KCNH2: variants seen among roughly 807,000 people sequenced by gnomAD.
The protein encoded by KCNH2 is potassium voltage-gated channel subfamily H member 2.
A neutral mutation model predicts 95.9 loss-of-function variants in KCNH2; 35 were observed. The ratio of observed to expected loss-of-function variants is 0.37; its 90% CI spans 0.28 to 0.48. KCNH2 has a LOEUF of 0.48. Among genes scored for constraint, KCNH2 ranks in the 20% least tolerant of loss-of-function variants. The pLI is 0.99. For synonymous variants in KCNH2, 786 were observed against 754.7 expected (o/e 1.04, Z -0.68); for missense variants, 1,274 against 1,702.9 (o/e 0.75, Z 4.43).
At chr7:150,953,238 C>T (rs1023448037) in intron 5 of KCNH2, among the ~76,000 whole-genome samples, 2 of 152,198 alleles carry the variant, frequency 1.3e-5, no homozygotes, top group African/African-American at 4.8e-5. Flanking sequence ...GGAAAGGGTT[C>T]CAAGGACAAC....
rs1383939352 is a variant in KCNH2, at chr7:150,946,037, C to T, written c.3331-523G>A. 1.3e-5 allele frequency among the ~76,000 whole-genome samples: 2 copies of T among 151,986 alleles called. No homozygotes were observed. The highest frequency in any genetic ancestry group is 2.1e-4 in the South Asian group (1 of 4,824). ...TCTGCTGGTGAGAGCTCTGCGGGGG[C>T]GGCTGCGAAGGGAGACTGGCACATT... is the stretch of plus-strand genomic sequence containing the variant. On this transcript the variant is annotated intron_variant, in intron 14 of 14. Coordinates refer to ENST00000262186, the MANE Select transcript of KCNH2 (RefSeq NM_000238.4). The surrounding 1 kb of genome is among the most constrained non-coding windows in gnomAD (Gnocchi z 6.5).
chr7:150,956,747 G>T (rs958280328), intron 5 of KCNH2, among the ~76,000 whole-genome samples: 9 of 152,170 alleles, frequency 5.9e-5, no homozygotes, highest in Non-Finnish European at 1.3e-4. Flanking sequence ...TAGGGACATA[G>T]TTGGGCCCCT....
chr7:150,948,118 G>A (rs973058671), intron 11 of KCNH2, among the ~76,000 whole-genome samples: 18 of 152,340 alleles, frequency 1.2e-4, no homozygotes, highest in Middle Eastern at 3.4e-3. Flanking sequence ...CTGGGACTGC[G>A]GGGCCTCAGC....
rs1196463202 is a variant in KCNH2, at chr7:150,955,902, GC to G, written c.1128+1388del. 2.2e-5 allele frequency: 21 copies of G among 939,052 alleles called. No homozygotes were observed. In the African/African-American group the frequency reaches 3.1e-4, roughly 14 times the overall value. 58.2% of individuals were successfully genotyped at this position (939,052 alleles called of 1,614,324 possible). A position where few individuals can be genotyped will look rare whatever the true frequency, so the allele number is the denominator to read the frequency against. On this transcript the variant is annotated intron_variant, in intron 5 of 14. Coordinates refer to ENST00000262186, the MANE Select transcript of KCNH2 (RefSeq NM_000238.4). ...CCGCCCCGCCGGTGCCCAGCCAGCG[GC>G]CCCCTCCCCCGCAGCCCGCCCAGGC... is the stretch of plus-strand genomic sequence containing the variant.
At chr7:150,950,805 G>A (rs1458369645) in intron 8 of KCNH2, 116 bp downstream of exon 8, 5 of 1,096,486 alleles carry the variant, frequency 4.6e-6, no homozygotes, top group South Asian at 1.3e-5. Flanking sequence ...CGTGCCTCCA[G>A]GGTCCTTACT....
At position 150,958,386 on chromosome 7, in the gene KCNH2, C is replaced by T. The variant is rs1396987764; in HGVS notation, c.589G>A (p.Asp197Asn). 6.8e-6 allele frequency: 10 copies of T among 1,470,228 alleles called. No homozygotes were observed. Among genetic ancestry groups the T allele is most frequent in the Admixed American group, 2.4e-5 (1 of 41,592 alleles). 91.1% of individuals were successfully genotyped at this position (1,470,228 alleles called of 1,614,324 possible). The change falls in exon 4 of 15, where the codon GAC becomes AAC. Residue 197 changes from aspartate to asparagine, a missense_variant. Coordinates refer to ENST00000262186, the MANE Select transcript of KCNH2 (RefSeq NM_000238.4). The stretch of plus-strand genomic sequence containing the variant: ...GGTGCCGCGGGCGTCAGGTCCACGT[C>T]CACCACCACGGCCCCCGGGGCGCCC... Reference protein sequence around the residue: ...GAGAPGAVVVDVDLTPAAPSS... With the variant: ...GAGAPGAVVVNVDLTPAAPSS...
chr7:150,957,204 T>C lies in KCNH2; in HGVS notation c.1128+87A>G. 4 of 1,148,082 alleles carry C rather than the reference T, an allele frequency of 3.5e-6. No homozygotes were observed. The allele number at this position is 1,148,082 out of a possible 1,614,324, so 71.1% of individuals were successfully genotyped here. Reference sequence around the variant, plus strand: ...AAGAGGCCCTCACTGGCTAGCCCCCTCCACCCGGCTCTGGATCACAGCCCA... The same window carrying C: ...AAGAGGCCCTCACTGGCTAGCCCCCCCCACCCGGCTCTGGATCACAGCCCA... On this transcript the variant is annotated intron_variant, in intron 5 of 14. Coordinates refer to ENST00000262186, the MANE Select transcript of KCNH2 (RefSeq NM_000238.4).
chr7:150,961,805 G>A lies in KCNH2; in HGVS notation c.308-2069C>T, dbSNP rs574009743. On this transcript the variant is annotated intron_variant, in intron 2 of 14. Transcript: ENST00000262186. The surrounding 1 kb of genome is among the most constrained non-coding windows in gnomAD (Gnocchi z 6.2). ...AGGTCAAGGGGCTGCGTGCTGGGGA[G>A]GCAGGGAGCAGGCCAGGTGGGAAGG... Among the ~76,000 whole-genome samples, 26 of 152,204 alleles carry A rather than the reference G, an allele frequency of 1.7e-4. No homozygotes were observed. Among genetic ancestry groups the A allele is most frequent in the Non-Finnish European group, 3.1e-4 (21 of 68,036 alleles).
At chr7:150,967,622 C>A (rs1281378622) in intron 2 of KCNH2, among the ~76,000 whole-genome samples, 1 of 152,200 alleles carries the variant, frequency 6.6e-6, no homozygotes, top group African/African-American at 2.4e-5. Context: ...CTACTTGACA[C>A]CACATACGGG....
rs1563175288 is a variant in KCNH2 at position 150,961,497 on chromosome 7, ACTG to A, written c.308-1764_308-1762del. Among the ~76,000 whole-genome samples, 1 of 151,956 alleles carries A rather than the reference ACTG, an allele frequency of 6.6e-6. No homozygotes were observed. Among genetic ancestry groups the A allele is most frequent in the African/African-American group, 2.4e-5 (1 of 41,344 alleles). On this transcript the variant is annotated intron_variant, in intron 2 of 14. Transcript: ENST00000262186. This position sits in a 1 kb window ranked among gnomAD's most constrained non-coding sequence, Gnocchi z 6.2. ...ATATTTTGATAGAGACAGGGTTTTC[ACTG>A]TGTTGGCCAGGCTGGTCTCAAACTC...
Position 150,945,703 on chromosome 7 carries a change from G to C in KCNH2, c.3331-189C>G, listed in dbSNP as rs990571782. On this transcript the variant is annotated intron_variant, in intron 14 of 14. Coordinates refer to ENST00000262186, the MANE Select transcript of KCNH2 (RefSeq NM_000238.4). The surrounding 1 kb of genome is among the most constrained non-coding windows in gnomAD (Gnocchi z 5.6). ...GCGAGAGCAGGACAGGGGCCACCAAGGGGAGGCACCAAGGTGGGAAGTAGA... is the reference window on the plus strand; with the variant it reads ...GCGAGAGCAGGACAGGGGCCACCAACGGGAGGCACCAAGGTGGGAAGTAGA... Among the ~76,000 whole-genome samples the C allele has an allele frequency of 3.3e-5, 5 of 152,180 alleles. No individual in the cohort carries two copies. The highest frequency in any genetic ancestry group is 7.3e-5 in the Non-Finnish European group (5 of 68,032).
In KCNH2 at chr7:150,946,764, G is replaced by T; in HGVS notation, c.3330+113C>A. 9.9e-7 allele frequency: 1 copy of T among 1,009,600 alleles called. No individual in the cohort carries two copies. The highest frequency in any genetic ancestry group is 1.5e-6 in the Non-Finnish European group (1 of 681,938). The allele number at this position is 1,009,600 out of a possible 1,614,324, so 62.5% of individuals were successfully genotyped here. A position where few individuals can be genotyped will look rare whatever the true frequency, so the allele number is the denominator to read the frequency against. ...AGGGGTGGGAGGAGGGCAGGAACAA[G>T]GTTCAGGGAGGCTGGGCCACAGAGC... On this transcript the variant is annotated intron_variant, in intron 14 of 14. Transcript: ENST00000262186. This position sits in a 1 kb window ranked among gnomAD's most constrained non-coding sequence, Gnocchi z 6.5.
chr7:150,974,026 C>T (rs970185378), intron 2 of KCNH2, among the ~76,000 whole-genome samples: 4 of 152,240 alleles, frequency 2.6e-5, no homozygotes, highest in African/African-American at 9.6e-5. Flanking sequence ...CCACCCCGGG[C>T]TCTGTTTATC....
chr7:150,969,245 C>T (rs1043226171), intron 2 of KCNH2, among the ~76,000 whole-genome samples: 3 of 152,214 alleles, frequency 2.0e-5, no homozygotes, highest in Non-Finnish European at 2.9e-5. Flanking sequence ...GAGCTTCCCT[C>T]CCATAAAGTG....
At position 150,951,139 on chromosome 7, in the gene KCNH2, G is replaced by A. The variant is rs369192064; in HGVS notation, c.1946-19C>T. 7.2e-4 allele frequency: 1,147 copies of A among 1,582,446 alleles called. 19 individuals carry two copies. The South Asian group carries it at 0.011, about 15-fold the overall frequency. On this transcript the variant is annotated intron_variant, in intron 7 of 14. Transcript: ENST00000262186. Reference sequence around the variant, plus strand: ...ATGAGGGCTGGGGGCGTGGGCACGTGGGGCCGTCAGCCTCTGCAGGGACCC... The same window carrying A: ...ATGAGGGCTGGGGGCGTGGGCACGTAGGGCCGTCAGCCTCTGCAGGGACCC...
intron 8 of KCNH2, 106 bp from the exon 9 acceptor site, chr7:150,950,526 A>G: frequency 1.4e-6 from 2 of 1,411,634 alleles, no homozygotes; most frequent in Admixed American, 2.1e-5. Context: ...CTCAACCTCC[A>G]GGCCTGGGAG....
chr7:150,974,013 G>C (rs1801904155), intron 2 of KCNH2, among the ~76,000 whole-genome samples: 1 of 152,238 alleles, frequency 6.6e-6, no homozygotes, highest in South Asian at 2.1e-4. Flanking sequence ...TGTGGGAGCA[G>C]CCCCACCCCG....
chr7:150,950,145 A>AGGGGG, intron 9 of KCNH2, 23 bp downstream of exon 9: 26 of 1,424,636 alleles, frequency 1.8e-5, no homozygotes, highest in East Asian at 2.8e-5. Context: ...TTTCCAGTCC[A>AGGGGG]GTGCCCGCCC....
chr7:150,971,125 G>C (rs1162450874), intron 2 of KCNH2, among the ~76,000 whole-genome samples: 1 of 152,246 alleles, frequency 6.6e-6, no homozygotes, highest in Non-Finnish European at 1.5e-5. Flanking sequence ...AGGCAAGGAA[G>C]AAGACAGGAC....
Sources: gnomAD v4.1 joint callset for allele counts (sites outside exome capture counted in the v4.1 genomes callset) on GRCh38, gnomAD v4.1.1 for gene constraint, Gnocchi (gnomAD v3.1) non-coding constraint, MANE v1.5 for transcripts, NCBI Gene and HGNC (gene_info 2026-07-23, HGNC 2026-07-21) for gene names.